Variants in WWOX observed in about 807,000 individuals in gnomAD.
WWOX encodes WW domain containing oxidoreductase.
Under a neutral mutation model 46.2 loss-of-function variants are expected in WWOX, and 69 were observed. The observed-to-expected ratio is 1.49, with a 90% CI of 1.23 to 1.82. WWOX has a LOEUF of 1.82. Among genes scored for constraint, WWOX ranks in the 40% most tolerant of loss-of-function variants. WWOX has a pLI of 0.00. For missense variants in WWOX, 919 were observed against 542.6 expected (o/e 1.69, Z -6.89); for synonymous variants, 359 against 202.6 (o/e 1.77, Z -6.56).
chr16:78,926,787 T>G (rs888477513), intron 8 of WWOX, among the ~76,000 whole-genome samples: 1 of 152,088 alleles, frequency 6.6e-6, no homozygotes, highest in Non-Finnish European at 1.5e-5. Context: ...AGTGCCAGTT[T>G]GTTTTTTTGT....
intron 8 of WWOX, among the ~76,000 whole-genome samples, chr16:79,144,799 GA>G (rs2050154490): frequency 6.6e-6 from 1 of 152,064 alleles, no homozygotes. Flanking sequence ...CTTACAATAT[GA>G]TATTTTGAGA....
At chr16:78,998,628 A>T (rs1302874743) in intron 8 of WWOX, among the ~76,000 whole-genome samples, 1 of 152,242 alleles carries the variant, frequency 6.6e-6, no homozygotes, top group African/African-American at 2.4e-5. Context: ...GTGTAATAGT[A>T]AAAATTAGAT....
At chr16:79,006,089 G>A (rs2047184842) in intron 8 of WWOX, among the ~76,000 whole-genome samples, 1 of 152,178 alleles carries the variant, frequency 6.6e-6, no homozygotes, top group Non-Finnish European at 1.5e-5. Context: ...ACTGCGCTAG[G>A]GAAGTCCCTG....
chr16:78,132,027 C>CTTTTTTTTTTTT (rs1298818927), intron 4 of WWOX, among the ~76,000 whole-genome samples: 2 of 128,518 alleles, frequency 1.6e-5, no homozygotes, highest in Non-Finnish European at 3.4e-5. Context: ...TTTTCTTTTT[C>CTTTTTTTTTTTT]TTTTTTTTTT....
intron 8 of WWOX, among the ~76,000 whole-genome samples, chr16:78,967,209 C>A (rs181340413): frequency 6.7e-6 from 1 of 148,226 alleles, no homozygotes; most frequent in Non-Finnish European, 1.5e-5. Context: ...GAGGAAAATG[C>A]GTGATTCAAA....
intron 8 of WWOX, among the ~76,000 whole-genome samples, chr16:78,805,659 GTTAAGAC>G (rs2051015575): frequency 6.6e-6 from 1 of 152,170 alleles, no homozygotes; most frequent in Non-Finnish European, 1.5e-5. Flanking sequence ...ATTAATCACT[GTTAAGAC>G]TTAAACAGCT....
intron 8 of WWOX, among the ~76,000 whole-genome samples, chr16:78,453,109 CT>C (rs1327995800): frequency 6.6e-6 from 1 of 151,868 alleles, no homozygotes; most frequent in Non-Finnish European, 1.5e-5. Flanking sequence ...CTATTTATAT[CT>C]TATATGTGTA....
intron 8 of WWOX, among the ~76,000 whole-genome samples, chr16:79,201,230 C>G (rs917651517): frequency 1.3e-5 from 2 of 152,122 alleles, no homozygotes; most frequent in Non-Finnish European, 1.5e-5. Context: ...CTTCCTCCTG[C>G]TGATTCTCAG....
intron 8 of WWOX, among the ~76,000 whole-genome samples, chr16:78,530,288 C>T (rs2043590857): frequency 6.6e-6 from 1 of 152,140 alleles, no homozygotes; most frequent in African/African-American, 2.4e-5. Flanking sequence ...AGCGTGACAG[C>T]CTTTTGCACC....
At chr16:78,263,354 G>A (rs577471310) in intron 5 of WWOX, among the ~76,000 whole-genome samples, 4 of 152,302 alleles carry the variant, frequency 2.6e-5, no homozygotes, top group African/African-American at 7.2e-5. Context: ...GGCCATCTCC[G>A]ATTGGTCCAT....
intron 8 of WWOX, among the ~76,000 whole-genome samples, chr16:78,713,102 C>G (rs1219421929): frequency 6.6e-6 from 1 of 151,262 alleles, no homozygotes; most frequent in Admixed American, 6.6e-5. Context: ...AGACCCTCAT[C>G]TCTACACCGA....
intron 8 of WWOX, among the ~76,000 whole-genome samples, chr16:78,771,838 G>C (rs1393869956): frequency 1.3e-5 from 2 of 151,918 alleles, no homozygotes; most frequent in East Asian, 1.9e-4. Context: ...GCAAAGGTGA[G>C]CTTTAACGAG....
chr16:78,902,221 G>A (rs1163436979), intron 8 of WWOX, among the ~76,000 whole-genome samples: 2 of 152,172 alleles, frequency 1.3e-5, no homozygotes, highest in East Asian at 1.9e-4. Context: ...GTGCTGTAGT[G>A]TCAACAACTT....
intron 5 of WWOX, among the ~76,000 whole-genome samples, chr16:78,382,987 A>G (rs868483934): frequency 1.3e-5 from 2 of 151,592 alleles, no homozygotes; most frequent in Non-Finnish European, 2.9e-5. Flanking sequence ...AAGAGGAAGC[A>G]GGCAAATCTT....
At chr16:78,471,600 T>A (rs2084223074) in intron 8 of WWOX, among the ~76,000 whole-genome samples, 1 of 152,230 alleles carries the variant, frequency 6.6e-6, no homozygotes, top group Non-Finnish European at 1.5e-5. Flanking sequence ...CCTTTTCTAT[T>A]ATTGCCCTTT....
At chr16:78,814,444 G>A (rs183488988) in intron 8 of WWOX, among the ~76,000 whole-genome samples, 238 of 151,792 alleles carry the variant, frequency 1.6e-3, no homozygotes, top group African/African-American at 5.5e-3. Context: ...ACCACTGTGT[G>A]ATGAAACTAC....
chr16:79,104,041 G>GA (rs1266582730), intron 8 of WWOX, among the ~76,000 whole-genome samples: 3 of 65,504 alleles, frequency 4.6e-5, no homozygotes, highest in South Asian at 7.6e-4. Flanking sequence ...CTTTTTTGGG[G>GA]GGGGGGGGGC....
intron 4 of WWOX, among the ~76,000 whole-genome samples, chr16:78,121,537 G>C (rs2033092732): frequency 6.6e-6 from 1 of 152,144 alleles, no homozygotes; most frequent in South Asian, 2.1e-4. Context: ...ACATTCTAAT[G>C]AGCATCATCT....
intron 5 of WWOX, among the ~76,000 whole-genome samples, chr16:78,179,167 T>C (rs1351524263): frequency 3.3e-5 from 5 of 152,208 alleles, no homozygotes; most frequent in Non-Finnish European, 7.3e-5. Flanking sequence ...AAAATCAAGT[T>C]TCTTTCAGTC....
Sources: allele counts gnomAD v4.1 joint callset (sites outside exome capture counted in the v4.1 genomes callset), GRCh38; gene constraint gnomAD v4.1.1; transcripts MANE v1.5; gene names NCBI Gene and HGNC (gene_info 2026-07-23, HGNC 2026-07-21).